The following INPP4B variants were observed in gnomAD, a reference collection of about 807,000 sequenced individuals.
INPP4B encodes the protein inositol polyphosphate 4-phosphatase type II.
In INPP4B, 55 loss-of-function variants were observed where a neutral mutation model predicts 122.5. The ratio of observed to expected loss-of-function variants is 0.45; its 90% confidence interval spans 0.36 to 0.56. The LOEUF (loss-of-function observed/expected upper bound fraction) is 0.56, where lower values mean the gene tolerates loss of function less well. Among genes scored for constraint, INPP4B ranks in the 20% least tolerant of loss-of-function variants. The pLI, the probability that INPP4B is intolerant of heterozygous loss-of-function variation, is 0.00. For missense variants in INPP4B, 1,000 were observed against 1,097.7 expected, an observed-to-expected ratio of 0.91 and a Z score of 1.26; for synonymous variants, 403 against 388.7, an observed-to-expected ratio of 1.04 and a Z score of -0.43.
At chr4:142,426,473 A>G (rs540810843) in intron 5 of INPP4B, 2 of 152,156 alleles carry the variant, frequency 1.3e-5, no homozygotes, top group East Asian at 3.9e-4. Flanking sequence ...GAGGAAACAG[A>G]GTCGCAGTTG....
chr4:142,029,394 A>G, intron 25 of INPP4B: 1 of 983,118 alleles, frequency 1.0e-6, no homozygotes, highest in Non-Finnish European at 1.2e-6. Context: ...CTGTGCAAGG[A>G]AGAGAGAAAA....
intron 1 of INPP4B, among the ~76,000 whole-genome samples, chr4:142,781,518 G>A (rs1437333761): frequency 6.6e-6 from 1 of 152,164 alleles, no homozygotes; most frequent in African/African-American, 2.4e-5. Flanking sequence ...CCTGCCACCA[G>A]AAACATTCTG....
chr4:142,280,976 T>A (rs760280347), intron 9 of INPP4B, among the ~76,000 whole-genome samples: 3 of 151,976 alleles, frequency 2.0e-5, no homozygotes, highest in Non-Finnish European at 4.4e-5. Flanking sequence ...AGATTCTCAT[T>A]CAGGAGGTGC....
intron 23 of INPP4B, among the ~76,000 whole-genome samples, chr4:142,090,761 T>G (rs921349244): frequency 6.6e-6 from 1 of 152,066 alleles, no homozygotes; most frequent in Non-Finnish European, 1.5e-5. Context: ...GTTACAAGAA[T>G]GTTTATTGCA....
At chr4:142,475,154 T>C (rs898149242) in intron 2 of INPP4B, among the ~76,000 whole-genome samples, 2 of 151,946 alleles carry the variant, frequency 1.3e-5, no homozygotes, top group Admixed American at 1.3e-4. Context: ...TAAAAGAAAT[T>C]TGGGCATAGA....
chr4:142,337,734 A>G (rs1579779389), intron 7 of INPP4B, among the ~76,000 whole-genome samples: 1 of 41,672 alleles, frequency 2.4e-5, no homozygotes, highest in African/African-American at 7.4e-5. Flanking sequence ...TTTTATATAT[A>G]TTTATATATA....
At position 142,800,460 on chromosome 4, in the gene INPP4B, T is replaced by C. The variant is rs549260219; in HGVS notation, c.-254+45749A>G. ...CTATCATAATGATTTTTGCATGGCA[T>C]CAAGTTAAGATAATGATATAATATA... On this transcript the variant is annotated intron_variant, in intron 1 of 25. Coordinates refer to ENST00000262992, the MANE Select transcript of INPP4B (RefSeq NM_001101669.3). Among the ~76,000 whole-genome samples, 3 of 152,246 alleles carry C rather than the reference T, an allele frequency of 2.0e-5. No individual in the cohort carries two copies. The East Asian group carries it at 5.8e-4, about 29-fold the overall frequency.
intron 14 of INPP4B, among the ~76,000 whole-genome samples, chr4:142,196,220 T>G (rs1838155770): frequency 6.6e-6 from 1 of 152,212 alleles, no homozygotes; most frequent in African/African-American, 2.4e-5. Flanking sequence ...ACGTTTTCTT[T>G]TCATTCTATT....
chr4:142,526,566 C>T (rs1445337714), intron 2 of INPP4B, among the ~76,000 whole-genome samples: 1 of 152,010 alleles, frequency 6.6e-6, no homozygotes. Context: ...GTTAATCGAC[C>T]ATGGCATGCT....
chr4:142,704,069 G>A (rs932983409), intron 2 of INPP4B, among the ~76,000 whole-genome samples: 1 of 152,170 alleles, frequency 6.6e-6, no homozygotes, highest in African/African-American at 2.4e-5. Context: ...GTTTCACAGA[G>A]CAGAGGACTC....
intron 15 of INPP4B, among the ~76,000 whole-genome samples, chr4:142,190,247 T>C (rs1835212689): frequency 6.6e-6 from 1 of 151,988 alleles, no homozygotes; most frequent in Admixed American, 6.6e-5. Context: ...AAATGAAAGA[T>C]GAGGCAAAGA....
At chr4:142,134,797 C>CAAAAAA (rs58297348) in intron 18 of INPP4B, among the ~76,000 whole-genome samples, 1 of 51,292 alleles carries the variant, frequency 1.9e-5, no homozygotes, top group African/African-American at 5.5e-5. Flanking sequence ...AACTCTGTCT[C>CAAAAAA]AAAAAAAAAA....
At chr4:142,690,948 A>G (rs1760083152) in intron 2 of INPP4B, among the ~76,000 whole-genome samples, 2 of 152,160 alleles carry the variant, frequency 1.3e-5, no homozygotes, top group Admixed American at 1.3e-4. Flanking sequence ...GAAAGCAACT[A>G]TCTCTTTTTC....
Position 142,159,308 on chromosome 4 carries a change from T to C in INPP4B, c.1563+1050A>G, listed in dbSNP as rs146138574. Among the ~76,000 whole-genome samples, 766 of 151,290 alleles carry C rather than the reference T, an allele frequency of 5.1e-3. 9 individuals carry two copies. The highest frequency in any genetic ancestry group is 0.018 in the African/African-American group (729 of 41,306). ...TGAAGGTAAAAGGGAGAAAGAAATA[T>C]TAGATTTGCTCTTTGAAAATGCTTC... is the stretch of plus-strand genomic sequence containing the variant. On this transcript the variant is annotated intron_variant, in intron 17 of 25. Transcript: ENST00000262992.
chr4:142,728,120 T>C (rs1765570032), intron 1 of INPP4B, among the ~76,000 whole-genome samples: 1 of 152,216 alleles, frequency 6.6e-6, no homozygotes, highest in Admixed American at 6.5e-5. Context: ...TCTCAATTTC[T>C]TGTTAAAGTG....
chr4:142,620,521 G>A (rs1401373269), intron 2 of INPP4B, among the ~76,000 whole-genome samples: 1 of 151,908 alleles, frequency 6.6e-6, no homozygotes, highest in Non-Finnish European at 1.5e-5. Context: ...AGTGGGGGAG[G>A]AGAGTGAGGA....
chr4:142,545,340 C>A (rs1027957500), intron 2 of INPP4B, among the ~76,000 whole-genome samples: 3 of 152,022 alleles, frequency 2.0e-5, no homozygotes, highest in African/African-American at 4.8e-5. Flanking sequence ...CTGCAATTAA[C>A]CCTATGAGGT....
At chr4:142,565,144 G>A (rs1731361162) in intron 2 of INPP4B, among the ~76,000 whole-genome samples, 1 of 152,026 alleles carries the variant, frequency 6.6e-6, no homozygotes, top group African/African-American at 2.4e-5. Flanking sequence ...TTGCACCAAT[G>A]AGCCCAGCTG....
intron 12 of INPP4B, among the ~76,000 whole-genome samples, chr4:142,226,440 T>C (rs1348046830): frequency 6.6e-6 from 1 of 152,240 alleles, no homozygotes; most frequent in East Asian, 1.9e-4. Flanking sequence ...GATTATGGAA[T>C]AATTTATTAA....
Sources: gnomAD v4.1 joint callset for allele counts (sites outside exome capture counted in the v4.1 genomes callset) on GRCh38, gnomAD v4.1.1 for gene constraint, MANE v1.5 for transcripts, NCBI Gene and HGNC (gene_info 2026-07-23, HGNC 2026-07-21) for gene names.